Variants in SEL1L2 observed in about 807,000 individuals in gnomAD.
SEL1L2 encodes SEL1L2 adaptor subunit of SYVN1 ubiquitin ligase.
Under a neutral mutation model 98.8 loss-of-function variants are expected in SEL1L2, and 89 were observed. The ratio of observed to expected loss-of-function variants is 0.90; its 90% CI spans 0.76 to 1.07. The LOEUF is 1.07. Ranked by LOEUF, SEL1L2 falls within the 50% of genes least tolerant of loss-of-function variation. The pLI, the probability that SEL1L2 is intolerant of heterozygous loss-of-function variation, is 0.00. For missense variants in SEL1L2, 788 were observed against 812.0 expected (o/e 0.97, Z 0.36); for synonymous variants, 262 against 278.5 (o/e 0.94, Z 0.59).
At position 13,873,139 on chromosome 20, in the gene SEL1L2, C is replaced by T. The variant is rs542162612; in HGVS notation, c.1104+2899G>A. 2.7e-5 allele frequency among the ~76,000 whole-genome samples: 4 copies of T among 150,090 alleles called. No individual in the cohort carries two copies. The East Asian group carries it at 6.0e-4, about 23-fold the overall frequency. On this transcript the variant is annotated intron_variant, in intron 12 of 19. Coordinates refer to ENST00000284951, the MANE Select transcript of SEL1L2 (RefSeq NM_025229.2). ...CCAAGTAGCTGGGATTACAGGCATGCACCCCCATGCCTGGCTAATTTTGTA... is the reference window on the plus strand; with the variant it reads ...CCAAGTAGCTGGGATTACAGGCATGTACCCCCATGCCTGGCTAATTTTGTA...
intron 12 of SEL1L2, 148 bp from the exon 13 acceptor site, chr20:13,870,351 C>T: frequency 1.7e-6 from 1 of 580,136 alleles, no homozygotes; most frequent in Non-Finnish European, 3.1e-6. Flanking sequence ...TCTAGTTCCT[C>T]CTTTTATACT....
In SEL1L2 at chr20:13,966,163, T is replaced by C. The variant is rs117682514; in HGVS notation, c.59-10032A>G. ...AAAAAATGCAGCATCTGTGAAGTGC[T>C]ATAAAGTGAAGGGCAAGAAAACAAG... On this transcript the variant is annotated intron_variant, in intron 1 of 19. Transcript: ENST00000284951. Among the ~76,000 whole-genome samples, 513 of 152,292 alleles carry C rather than the reference T, an allele frequency of 3.4e-3. 3 individuals are homozygous for C. Among genetic ancestry groups the C allele is most frequent in the Non-Finnish European group, 4.9e-3 (335 of 68,024 alleles).
At chr20:13,911,823 T>G (rs1291013766) in intron 5 of SEL1L2, among the ~76,000 whole-genome samples, 9 of 152,156 alleles carry the variant, frequency 5.9e-5, no homozygotes, top group African/African-American at 1.9e-4. Context: ...AGAATAATAT[T>G]GGAGTAATAA....
chr20:13,868,262 A>G (rs1350157779), intron 14 of SEL1L2, among the ~76,000 whole-genome samples: 2 of 152,004 alleles, frequency 1.3e-5, no homozygotes, highest in Non-Finnish European at 2.9e-5. Context: ...CTTTGAGGGT[A>G]AGCAATCCTG....
At chr20:13,857,253 C>A in intron 18 of SEL1L2, among the ~76,000 whole-genome samples, 1 of 148,976 alleles carries the variant, frequency 6.7e-6, no homozygotes. Flanking sequence ...AAAAAATAGA[C>A]TTGTGACTGA....
At chr20:13,925,012 A>G (rs1326867963) in intron 3 of SEL1L2, among the ~76,000 whole-genome samples, 1 of 152,034 alleles carries the variant, frequency 6.6e-6, no homozygotes, top group Admixed American at 6.6e-5. Flanking sequence ...AGTGGTGCGC[A>G]CCTGTAATCC....
intron 12 of SEL1L2, among the ~76,000 whole-genome samples, chr20:13,875,252 G>A (rs1004007049): frequency 2.0e-5 from 3 of 152,168 alleles, no homozygotes; most frequent in Non-Finnish European, 4.4e-5. Flanking sequence ...CTACAGGTAT[G>A]TGCCAGCATG....
At chr20:13,977,820 C>G (rs1269889364) in intron 1 of SEL1L2, among the ~76,000 whole-genome samples, 1 of 151,558 alleles carries the variant, frequency 6.6e-6, no homozygotes, top group African/African-American at 2.4e-5. Context: ...GATCTGTATA[C>G]TAAAAATTAT....
At chr20:13,897,098 A>G (rs1447129184) in intron 5 of SEL1L2, among the ~76,000 whole-genome samples, 1 of 152,204 alleles carries the variant, frequency 6.6e-6, no homozygotes, top group East Asian at 1.9e-4. Flanking sequence ...AAACACAAAC[A>G]AAACCTCACA....
At chr20:13,949,328 A>T (rs1313862171) in intron 2 of SEL1L2, among the ~76,000 whole-genome samples, 1 of 152,206 alleles carries the variant, frequency 6.6e-6, no homozygotes, top group Non-Finnish European at 1.5e-5. Context: ...TGAAAACCTC[A>T]ATGAGCCACC....
chr20:13,870,925 A>G (rs1049237338), intron 12 of SEL1L2, among the ~76,000 whole-genome samples: 3 of 150,240 alleles, frequency 2.0e-5, no homozygotes, highest in Non-Finnish European at 3.0e-5. Context: ...TCCATCTCAA[A>G]AAAAAAAAAA....
chr20:13,852,385 A>T (rs1381863189), intron 18 of SEL1L2, among the ~76,000 whole-genome samples: 4 of 152,298 alleles, frequency 2.6e-5, no homozygotes, highest in Middle Eastern at 3.4e-3. Flanking sequence ...TAAAATTCCC[A>T]GAGAAGGAAA....
chr20:13,938,973 T>C (rs1237446197), intron 2 of SEL1L2, among the ~76,000 whole-genome samples: 1 of 151,584 alleles, frequency 6.6e-6, no homozygotes, highest in Non-Finnish European at 1.5e-5. Flanking sequence ...GTCTTGGAAA[T>C]CAGTAAACAT....
At chr20:13,907,499 G>A (rs1334541690) in intron 5 of SEL1L2, among the ~76,000 whole-genome samples, 1 of 152,124 alleles carries the variant, frequency 6.6e-6, no homozygotes, top group Non-Finnish European at 1.5e-5. Flanking sequence ...AGCCCAGGAA[G>A]TTGAGGGTAC....
chr20:13,906,680 A>AT (rs1359666785), intron 5 of SEL1L2, among the ~76,000 whole-genome samples: 1 of 152,050 alleles, frequency 6.6e-6, no homozygotes, highest in Non-Finnish European at 1.5e-5. Context: ...CTGTATTTTA[A>AT]TTTTTTAAAT....
chr20:13,942,703 A>G (rs977896854), intron 2 of SEL1L2, among the ~76,000 whole-genome samples: 1 of 152,234 alleles, frequency 6.6e-6, no homozygotes, highest in Non-Finnish European at 1.5e-5. Context: ...ATAGAAGCAG[A>G]TGTTTTAATT....
At chr20:13,979,449 C>G (rs1053505080) in intron 1 of SEL1L2, among the ~76,000 whole-genome samples, 2 of 152,100 alleles carry the variant, frequency 1.3e-5, no homozygotes, top group Admixed American at 1.3e-4. Flanking sequence ...AGGTGCTATG[C>G]TAATAACTGA....
chr20:13,869,389 C>T (rs2046077440), intron 14 of SEL1L2, 114 bp downstream of exon 14: 2 of 759,720 alleles, frequency 2.6e-6, no homozygotes, highest in African/African-American at 1.8e-5. Flanking sequence ...AATTTGTTGC[C>T]TAAATGTTCT....
Position 13,877,602 on chromosome 20 carries a change from G to A in SEL1L2, c.958-14C>T, listed in dbSNP as rs2046494610. The stretch of plus-strand genomic sequence containing the variant: ...GTGTAATGCTTTCTGGAGAGAAAAG[G>A]AACAGTGTTATTGCTAGTCACAAAA... On this transcript the variant is annotated splice_polypyrimidine_tract_variant and intron_variant, in intron 10 of 19. Coordinates refer to ENST00000284951, the MANE Select transcript of SEL1L2 (RefSeq NM_025229.2). The A allele has an allele frequency of 6.2e-7, 1 of 1,606,554 alleles. No individual in the cohort carries two copies. The highest frequency in any genetic ancestry group is 1.3e-5 in the African/African-American group (1 of 74,766).
Sources: allele counts gnomAD v4.1 joint callset (sites outside exome capture counted in the v4.1 genomes callset), GRCh38; gene constraint gnomAD v4.1.1; transcripts MANE v1.5; gene names NCBI Gene and HGNC (gene_info 2026-07-23, HGNC 2026-07-21).